The following ATP9A variants were observed in gnomAD, a reference collection of about 807,000 sequenced individuals.
ATP9A encodes probable phospholipid-transporting ATPase IIA.
In ATP9A, 52 loss-of-function variants were observed where a neutral mutation model predicts 144.1. The observed-to-expected ratio is 0.36, with a 90% confidence interval of 0.29 to 0.45. The LOEUF (loss-of-function observed/expected upper bound fraction) is 0.45. Ranked by LOEUF, ATP9A falls within the 20% of genes least tolerant of loss-of-function variation. The pLI is 1.00. For synonymous variants in ATP9A, 582 were observed against 557.4 expected, an observed-to-expected ratio of 1.04 and a Z score of -0.62; for missense variants, 947 against 1,392.7, an observed-to-expected ratio of 0.68 and a Z score of 5.09.
At chr20:51,721,019 A>G (rs901473109) in intron 3 of ATP9A, among the ~76,000 whole-genome samples, 4 of 152,144 alleles carry the variant, frequency 2.6e-5, no homozygotes, top group African/African-American at 9.7e-5. Context: ...CCCCAAAATG[A>G]CTCAGAGCAG....
chr20:51,732,301 C>T (rs145855282), intron 1 of ATP9A: 1 of 152,434 alleles, frequency 6.6e-6, no homozygotes, highest in African/African-American at 2.4e-5. Context: ...CGCCCCAGCA[C>T]TCAAAGGCTG....
At chr20:51,690,907 T>A in intron 7 of ATP9A, 88 bp from the exon 8 acceptor site, 1 of 1,052,672 alleles carries the variant, frequency 9.5e-7, no homozygotes, top group Non-Finnish European at 1.5e-6. Context: ...AAAGCAACTA[T>A]ATTTCCCACA....
Position 51,635,687 on chromosome 20 carries a change from T to C in ATP9A, c.1668+3656A>G, listed in dbSNP as rs576383269. Among the ~76,000 whole-genome samples, 15 of 150,144 alleles carry C rather than the reference T, an allele frequency of 1.0e-4. No individual in the cohort carries two copies. In the East Asian group the frequency reaches 2.7e-3, roughly 27 times the overall value. ...GGGAGGTCGAGGCTGCAGTGAGCCA[T>C]GATTATGCCACCGCACTCCACCCTA... On this transcript the variant is annotated intron_variant, in intron 15 of 27. Transcript: ENST00000338821.
rs1023169740 is a variant in ATP9A, at chr20:51,664,150, G to T, written c.1293+5847C>A. ...CTGCCTCAGCCTCCAGAGTAGCTGG[G>T]ATTACAGGCATGAGCTACCACGCCC... On this transcript the variant is annotated intron_variant, in intron 13 of 27. Coordinates refer to ENST00000338821, the MANE Select transcript of ATP9A (RefSeq NM_006045.3). 1.2e-4 allele frequency among the ~76,000 whole-genome samples: 18 copies of T among 152,026 alleles called. 1 individual carries two copies. Among genetic ancestry groups the T allele is most frequent in the Non-Finnish European group, 2.1e-4 (14 of 68,014 alleles).
At chr20:51,623,750 T>C (rs1227320634) in intron 18 of ATP9A, among the ~76,000 whole-genome samples, 2 of 139,260 alleles carry the variant, frequency 1.4e-5, no homozygotes, top group African/African-American at 5.5e-5. Context: ...ATCGCACCAC[T>C]GCACTCCAGC....
chr20:51,629,222 C>A (rs1026664774), intron 15 of ATP9A, 150 bp from the exon 16 acceptor site: 3 of 567,308 alleles, frequency 5.3e-6, no homozygotes, highest in African/African-American at 3.7e-5. Context: ...CGAGAAGGGG[C>A]CTCATTTAGG....
intron 26 of ATP9A, 40 bp downstream of exon 26, chr20:51,607,487 C>T (rs1422191407): frequency 4.5e-6 from 7 of 1,544,404 alleles, no homozygotes. Context: ...TGAGTCAGTA[C>T]CAGAGCACAA....
At chr20:51,649,732 T>C (rs2077355946) in intron 14 of ATP9A, among the ~76,000 whole-genome samples, 1 of 152,010 alleles carries the variant, frequency 6.6e-6, no homozygotes, top group Admixed American at 6.6e-5. Context: ...CTGGCCAACA[T>C]GGTGAAACCC....
At chr20:51,654,251 AAGG>A (rs1471803535) in intron 14 of ATP9A, among the ~76,000 whole-genome samples, 4 of 152,142 alleles carry the variant, frequency 2.6e-5, no homozygotes, top group Admixed American at 6.5e-5. Flanking sequence ...TGCAGGCTGG[AAGG>A]AGGAGTCTCC....
chr20:51,695,478 A>AC (rs1413642134), intron 6 of ATP9A, among the ~76,000 whole-genome samples: 22 of 151,480 alleles, frequency 1.5e-4, no homozygotes, highest in African/African-American at 5.1e-4. Flanking sequence ...AAAAAAAAAA[A>AC]AAAAAACTAA....
At chr20:51,729,268 T>A (rs1269364257) in intron 2 of ATP9A, among the ~76,000 whole-genome samples, 1 of 152,134 alleles carries the variant, frequency 6.6e-6, no homozygotes, top group Non-Finnish European at 1.5e-5. Flanking sequence ...ACCAAATACA[T>A]GTGAAGTTAC....
chr20:51,715,504 C>T (rs2077658146), intron 3 of ATP9A, among the ~76,000 whole-genome samples: 1 of 152,202 alleles, frequency 6.6e-6, no homozygotes, highest in African/African-American at 2.4e-5. Flanking sequence ...CTATTTCTCT[C>T]TGCGTGGGCC....
Position 51,668,093 on chromosome 20 carries a change from G to C in ATP9A, c.1293+1904C>G, listed in dbSNP as rs1213208037. On this transcript the variant is annotated intron_variant, in intron 13 of 27. Coordinates refer to ENST00000338821, the MANE Select transcript of ATP9A (RefSeq NM_006045.3). The stretch of plus-strand genomic sequence containing the variant: ...CAAAAGAAGGAAGGGAGGTGGGGGG[G>C]GGGGGGGGCGGAAGGGCTGGGAGTG... 1.4e-4 allele frequency among the ~76,000 whole-genome samples: 6 copies of C among 42,604 alleles called. 1 individual carries two copies. Among genetic ancestry groups the C allele is most frequent in the Admixed American group, 5.3e-4 (2 of 3,748 alleles). The allele number at this position is 42,604 out of a possible 152,430, so 27.9% of individuals were successfully genotyped here.
chr20:51,615,241 G>C (rs1216490027), intron 22 of ATP9A, among the ~76,000 whole-genome samples: 3 of 152,108 alleles, frequency 2.0e-5, no homozygotes, highest in African/African-American at 4.8e-5. Flanking sequence ...AGATAATGTA[G>C]CAAATAGTAA....
At chr20:51,724,191 T>A (rs2077702482) in intron 3 of ATP9A, among the ~76,000 whole-genome samples, 1 of 150,522 alleles carries the variant, frequency 6.6e-6, no homozygotes, top group Non-Finnish European at 1.5e-5. Context: ...TAAATAAAAA[T>A]AAAAACGTTA....
chr20:51,618,754 G>A lies in ATP9A; in HGVS notation c.2258C>T (p.Pro753Leu), dbSNP rs1767731888. 9 of 1,609,256 alleles carry A rather than the reference G, an allele frequency of 5.6e-6. No homozygotes were observed. The highest frequency in any genetic ancestry group is 2.2e-5 in the East Asian group (1 of 44,836). The change falls in exon 21 of 28, where the codon CCG becomes CTG. Residue 753 changes from proline (P) to leucine (L), a missense_variant. Pro to Leu is a moderately conservative substitution (Grantham distance 98, BLOSUM62 -3). Around this residue, in one of 2 missense-constraint regions of ATP9A, gnomAD observed 770 missense variants for 1,047.9 expected, o/e 0.73. Coordinates refer to ENST00000338821, the MANE Select transcript of ATP9A (RefSeq NM_006045.3). ...GGCACATCGGCAGCAGACTACGGCC[G>A]GGCACTGGCAGGCCAGCTCCATGAA... Reference protein sequence around the residue: ...YEFMELACQCPAVVCCRCAPT... With the variant: ...YEFMELACQCLAVVCCRCAPT...
rs557038696 is a variant in ATP9A at position 51,635,443 on chromosome 20, A to G, written c.1668+3900T>C. On this transcript the variant is annotated intron_variant, in intron 15 of 27. Coordinates refer to ENST00000338821, the MANE Select transcript of ATP9A (RefSeq NM_006045.3). ...CAAAAACCATCAGATAGCAAATAGA[A>G]AACAGAGCCCCCAGTTAGGTGTGGT... Among the ~76,000 whole-genome samples the G allele has an allele frequency of 5.9e-5, 9 of 152,230 alleles. No individual in the cohort carries two copies. In the South Asian group the frequency reaches 1.9e-3, roughly 32 times the overall value.
intron 3 of ATP9A, among the ~76,000 whole-genome samples, chr20:51,724,045 C>T (rs915841421): frequency 6.6e-6 from 1 of 151,758 alleles, no homozygotes; most frequent in Non-Finnish European, 1.5e-5. Flanking sequence ...GTGGCGGGCA[C>T]CTGTAATCCC....
intron 10 of ATP9A, 141 bp downstream of exon 10, chr20:51,675,989 TAC>T (rs201876562): frequency 1.2e-3 from 658 of 569,354 alleles, no homozygotes; most frequent in South Asian, 2.5e-3. Flanking sequence ...ATTTATTGCA[TAC>T]ACACACACAC....
Sources: allele counts gnomAD v4.1 joint callset (sites outside exome capture counted in the v4.1 genomes callset), GRCh38; gene constraint gnomAD v4.1.1; regional missense constraint gnomAD v4.1.1; transcripts MANE v1.5; gene names NCBI Gene and HGNC (gene_info 2026-07-23, HGNC 2026-07-21).